Variants in RGS17 observed in about 807,000 individuals in gnomAD.
RGS17 encodes the protein regulator of G protein signaling 17, also known as regulator of G-protein signaling 17.
Under a neutral mutation model 25.5 loss-of-function variants are expected in RGS17, and 12 were observed. The observed-to-expected ratio is 0.47, with a 90% CI of 0.30 to 0.76. The LOEUF (loss-of-function observed/expected upper bound fraction) is 0.76. Ranked by LOEUF, RGS17 falls within the 30% of genes least tolerant of loss-of-function variation. The probability of loss-of-function intolerance (pLI) is 0.07; values close to 1 mark genes in which losing one functional copy is unlikely to be tolerated. For synonymous variants in RGS17, 71 were observed against 76.9 expected (o/e 0.92, Z 0.40); for missense variants, 196 against 242.2 (o/e 0.81, Z 1.27).
chr6:153,007,136 T>C lies in RGS17; in HGVS notation c.*4438A>G, dbSNP rs1584114401. The C allele has an allele frequency of 6.6e-6, 1 of 152,188 alleles. No individual in the cohort carries two copies. Among genetic ancestry groups the C allele is most frequent in the Non-Finnish European group, 1.5e-5 (1 of 68,032 alleles). 9.4% of individuals were successfully genotyped at this position (152,188 alleles called of 1,614,324 possible). On this transcript the variant is annotated 3_prime_UTR_variant, in exon 5 of 5. Transcript: ENST00000206262. ...GAGAGGACTACACCTGTAAGAGTAA[T>C]AATTTCAAAAATACCTATAAATAAA...
chr6:153,075,874 A>T (rs1339463167), intron 1 of RGS17, among the ~76,000 whole-genome samples: 1 of 152,234 alleles, frequency 6.6e-6, no homozygotes. Flanking sequence ...ACCTGCATAC[A>T]CATTTGCTTA....
At chr6:153,090,291 A>G (rs888385374) in intron 1 of RGS17, among the ~76,000 whole-genome samples, 3 of 151,946 alleles carry the variant, frequency 2.0e-5, no homozygotes, top group African/African-American at 7.3e-5. Context: ...TAGTTACTCA[A>G]GGTCAACTAT....
At chr6:153,060,961 T>G (rs1460146671) in intron 1 of RGS17, among the ~76,000 whole-genome samples, 1 of 152,284 alleles carries the variant, frequency 6.6e-6, no homozygotes, top group African/African-American at 2.4e-5. Context: ...TCAGTAAATG[T>G]ATGTTAAATG....
intron 1 of RGS17, among the ~76,000 whole-genome samples, chr6:153,124,437 C>A (rs114660128): frequency 6.6e-6 from 1 of 152,072 alleles, no homozygotes; most frequent in East Asian, 1.9e-4. Context: ...AATACTGGCA[C>A]GAAATTAAAA....
At chr6:153,100,806 C>T (rs139790771) in intron 1 of RGS17, among the ~76,000 whole-genome samples, 5 of 152,094 alleles carry the variant, frequency 3.3e-5, no homozygotes, top group Admixed American at 2.0e-4. Flanking sequence ...GTAAACAGAC[C>T]GTAACCTACT....
chr6:153,079,728 G>C (rs1030089138), intron 1 of RGS17, among the ~76,000 whole-genome samples: 1 of 151,660 alleles, frequency 6.6e-6, no homozygotes, highest in African/African-American at 2.4e-5. Flanking sequence ...AAGGTTTTTT[G>C]TATCTATCAA....
Position 153,130,469 on chromosome 6 carries a change from T to C in RGS17, c.-26+655A>G, listed in dbSNP as rs1777770412. ...AACAAAAGAGACCCCCCACCCCCTA[T>C]ACATACATACACATACACACACACA... On this transcript the variant is annotated intron_variant, in intron 1 of 4. Coordinates refer to ENST00000206262, the MANE Select transcript of RGS17 (RefSeq NM_012419.5). The surrounding 1 kb of genome is among the most constrained non-coding windows in gnomAD (Gnocchi z 6.4). Among the ~76,000 whole-genome samples the C allele has an allele frequency of 7.3e-6, 1 of 136,680 alleles. No homozygotes were observed. The highest frequency in any genetic ancestry group is 7.5e-5 in the Admixed American group (1 of 13,374). 89.7% of individuals were successfully genotyped at this position (136,680 alleles called of 152,430 possible). A position where few individuals can be genotyped will look rare whatever the true frequency, so the allele number is the denominator to read the frequency against.
At chr6:153,024,208 T>G in intron 4 of RGS17, 54 bp downstream of exon 4, 2 of 1,227,934 alleles carry the variant, frequency 1.6e-6, no homozygotes, top group Non-Finnish European at 2.4e-6. Context: ...AGCCATCCCT[T>G]GACGGTTATC....
intron 1 of RGS17, among the ~76,000 whole-genome samples, chr6:153,074,541 C>G (rs1776849638): frequency 6.6e-6 from 1 of 152,196 alleles, no homozygotes; most frequent in Admixed American, 6.6e-5. Context: ...ATCGCTGGAA[C>G]TCTTTAATTA....
At chr6:153,067,804 A>AACTG (rs1776731435) in intron 1 of RGS17, among the ~76,000 whole-genome samples, 1 of 152,190 alleles carries the variant, frequency 6.6e-6, no homozygotes. Flanking sequence ...AAATAGTAAA[A>AACTG]GCTATCTTAA....
intron 1 of RGS17, among the ~76,000 whole-genome samples, chr6:153,097,275 A>G (rs1360344989): frequency 6.7e-6 from 1 of 148,302 alleles, no homozygotes; most frequent in Non-Finnish European, 1.5e-5. Context: ...GGGCTTAGAC[A>G]ATAGCGTTTT....
At chr6:153,068,544 C>G (rs1776741235) in intron 1 of RGS17, among the ~76,000 whole-genome samples, 1 of 152,084 alleles carries the variant, frequency 6.6e-6, no homozygotes. Context: ...CTGGGCTGGA[C>G]AAAAATTCCT....
At chr6:153,129,264 T>A (rs562022194) in intron 1 of RGS17, among the ~76,000 whole-genome samples, 48 of 152,312 alleles carry the variant, frequency 3.2e-4, no homozygotes, top group Admixed American at 5.9e-4. Context: ...CTAATTACTG[T>A]TTTAGTTCAT....
intron 1 of RGS17, among the ~76,000 whole-genome samples, chr6:153,071,979 A>G (rs1776810977): frequency 6.6e-6 from 1 of 152,158 alleles, no homozygotes; most frequent in Admixed American, 6.6e-5. Context: ...CTTTGTAGTT[A>G]GCACAGCACT....
intron 4 of RGS17, among the ~76,000 whole-genome samples, chr6:153,016,014 T>G (rs1355041956): frequency 6.6e-6 from 1 of 152,208 alleles, no homozygotes; most frequent in African/African-American, 2.4e-5. Flanking sequence ...TTGTGGTATT[T>G]GCTTTATTGT....
chr6:153,117,162 G>A (rs1022550402), intron 1 of RGS17, among the ~76,000 whole-genome samples: 4 of 152,102 alleles, frequency 2.6e-5, no homozygotes, highest in Non-Finnish European at 5.9e-5. Flanking sequence ...TGCATGGCTG[G>A]GGAGGCCTCA....
chr6:153,015,798 C>T (rs1396825994), intron 4 of RGS17, among the ~76,000 whole-genome samples: 10 of 151,950 alleles, frequency 6.6e-5, no homozygotes, highest in Non-Finnish European at 1.2e-4. Flanking sequence ...GGACTACAGG[C>T]GCCCGCCACC....
At chr6:153,102,548 G>T (rs2129123704) in intron 1 of RGS17, among the ~76,000 whole-genome samples, 1 of 152,166 alleles carries the variant, frequency 6.6e-6, no homozygotes, top group Admixed American at 6.5e-5. Context: ...AGAGGTGATT[G>T]GATCATGGGG....
chr6:153,087,442 AC>A (rs1189386488), intron 1 of RGS17, among the ~76,000 whole-genome samples: 1 of 152,238 alleles, frequency 6.6e-6, no homozygotes, highest in Non-Finnish European at 1.5e-5. Flanking sequence ...TTCTATAAAA[AC>A]AAATACACAT....
Sources: gnomAD v4.1 joint callset for allele counts (sites outside exome capture counted in the v4.1 genomes callset) on GRCh38, gnomAD v4.1.1 for gene constraint, Gnocchi (gnomAD v3.1) non-coding constraint, MANE v1.5 for transcripts, NCBI Gene and HGNC (gene_info 2026-07-23, HGNC 2026-07-21) for gene names.